VPS13D: variants seen among roughly 807,000 people sequenced by gnomAD.
The protein encoded by VPS13D is intermembrane lipid transfer protein VPS13D.
Under a neutral mutation model 461.9 loss-of-function variants are expected in VPS13D, and 187 were observed. The ratio of observed to expected loss-of-function variants is 0.40; its 90% CI spans 0.36 to 0.46. VPS13D has a LOEUF of 0.46. Ranked by LOEUF, VPS13D falls within the 20% of genes least tolerant of loss-of-function variation. The pLI is 0.60. For missense variants in VPS13D, 4,711 were observed against 5,364.9 expected, an observed-to-expected ratio of 0.88 and a Z score of 3.81; for synonymous variants, 1,951 against 1,986.3, an observed-to-expected ratio of 0.98 and a Z score of 0.47.
intron 15 of VPS13D, 64 bp from the exon 16 acceptor site, chr1:12,268,642 G>T (rs1641345184): frequency 2.6e-6 from 4 of 1,514,748 alleles, no homozygotes; most frequent in Admixed American, 4.4e-5. Flanking sequence ...ATCCCTCACA[G>T]GTCTGTTAAT....
chr1:12,234,096 C>T, intron 1 of VPS13D, 95 bp from the exon 2 acceptor site: 1 of 555,126 alleles, frequency 1.8e-6, no homozygotes, highest in Non-Finnish European at 3.3e-6. Flanking sequence ...AACATCTGTG[C>T]TTTGCATTCA....
chr1:12,487,051 C>A (rs977434055), intron 67 of VPS13D, among the ~76,000 whole-genome samples: 2 of 152,158 alleles, frequency 1.3e-5, no homozygotes, highest in Non-Finnish European at 2.9e-5. Flanking sequence ...TCCCCTGAGA[C>A]CCTCCCAAGA....
In VPS13D at chr1:12,368,488, T is replaced by G; in HGVS notation, c.10469T>G (p.Phe3490Cys). ...INMRDTLGKC[F>C]FLRVEITLRG... Reference sequence around the variant, plus strand: ...TGCAGGGATACCTTGGGAAAATGCTTCTTCCTACGAGTGGAAATTACTCTC... The same window carrying G: ...TGCAGGGATACCTTGGGAAAATGCTGCTTCCTACGAGTGGAAATTACTCTC... The change falls in exon 53 of 70, where the codon TTC (phenylalanine) becomes TGC (cysteine). Residue 3490 changes from phenylalanine to cysteine, a missense_variant. Coordinates refer to ENST00000620676, the MANE Select transcript of VPS13D (RefSeq NM_015378.4). The G allele has an allele frequency of 6.2e-7, 1 of 1,612,722 alleles. No individual in the cohort carries two copies. Among genetic ancestry groups the G allele is most frequent in the Non-Finnish European group, 8.5e-7 (1 of 1,179,284 alleles).
intron 12 of VPS13D, 105 bp downstream of exon 12, chr1:12,261,254 C>A: frequency 7.4e-7 from 1 of 1,356,580 alleles, no homozygotes; most frequent in Non-Finnish European, 1.0e-6. Flanking sequence ...ATTTGGAGAA[C>A]AGTTTATGTT....
chr1:12,329,534 A>G (rs930443866), intron 36 of VPS13D, among the ~76,000 whole-genome samples: 1 of 152,206 alleles, frequency 6.6e-6, no homozygotes, highest in African/African-American at 2.4e-5. Context: ...TTATGTTCCC[A>G]CAGGCTTCAG....
chr1:12,326,353 A>G (rs953501057), intron 35 of VPS13D, among the ~76,000 whole-genome samples: 5 of 105,688 alleles, frequency 4.7e-5, no homozygotes, highest in African/African-American at 1.2e-4. Flanking sequence ...AATTTTAGAT[A>G]CTGGGTTTTG....
intron 23 of VPS13D, among the ~76,000 whole-genome samples, chr1:12,291,979 C>T (rs1293063918): frequency 6.6e-6 from 1 of 152,154 alleles, no homozygotes; most frequent in Non-Finnish European, 1.5e-5. Context: ...TTTCTCAGGG[C>T]TGGGCGTGGT....
intron 63 of VPS13D, among the ~76,000 whole-genome samples, chr1:12,411,741 T>C (rs1367179124): frequency 6.6e-6 from 1 of 152,226 alleles, no homozygotes; most frequent in Non-Finnish European, 1.5e-5. Flanking sequence ...TTCATATGGC[T>C]GCACTCACCT....
intron 67 of VPS13D, chr1:12,465,091 ATACT>A (rs1645464516): frequency 6.6e-6 from 1 of 152,264 alleles, no homozygotes; most frequent in African/African-American, 2.4e-5. Flanking sequence ...GTTTGAAAAG[ATACT>A]TAGTAGAAAG....
At chr1:12,482,909 A>G (rs561175420) in intron 67 of VPS13D, among the ~76,000 whole-genome samples, 7 of 152,160 alleles carry the variant, frequency 4.6e-5, no homozygotes, top group African/African-American at 1.7e-4. Flanking sequence ...AATCATTTTT[A>G]ACATTTACAT....
chr1:12,301,901 G>T (rs1187213183), intron 25 of VPS13D, among the ~76,000 whole-genome samples: 2 of 152,186 alleles, frequency 1.3e-5, no homozygotes, highest in Non-Finnish European at 2.9e-5. Flanking sequence ...ACCAAATACA[G>T]TTATGGTCCC....
Position 12,369,523 on chromosome 1 carries a change from G to A in VPS13D, c.10629G>A (p.Val3543=). 3 of 1,614,152 alleles carry A rather than the reference G, an allele frequency of 1.9e-6. No individual in the cohort carries two copies. Among genetic ancestry groups the A allele is most frequent in the Non-Finnish European group, 2.5e-6 (3 of 1,180,032 alleles). Residue 3543 remains valine, a synonymous_variant, in exon 54 of 70, where the codon GTG becomes GTA. Transcript: ENST00000620676. The stretch of plus-strand genomic sequence containing the variant: ...CTGAACCCAGGCTCCGGACTGAAGT[G>A]AAGCCCATGACTTCATTGGATTATG... ...GVAEPRLRTE[V]KPMTSLDYAW...
chr1:12,262,995 C>T (rs1345684841), intron 13 of VPS13D, among the ~76,000 whole-genome samples: 2 of 152,092 alleles, frequency 1.3e-5, no homozygotes, highest in Non-Finnish European at 2.9e-5. Flanking sequence ...TGAGCCATTG[C>T]GCTCAGCTGA....
At chr1:12,297,672 A>T (rs1361576946) in intron 24 of VPS13D, among the ~76,000 whole-genome samples, 1 of 152,196 alleles carries the variant, frequency 6.6e-6, no homozygotes. Flanking sequence ...TTTGATCCTT[A>T]TAACAACCCT....
Position 12,266,951 on chromosome 1 carries a change from GTT to G in VPS13D, c.1667_1668del (p.Phe556SerfsTer18). 1 of 1,611,004 alleles carries G rather than the reference GTT, an allele frequency of 6.2e-7. No individual in the cohort carries two copies. The highest frequency in any genetic ancestry group is 8.5e-7 in the Non-Finnish European group (1 of 1,179,106). ...TGCTTTCAGTCCGGTTGGGTGGACTGTTTCTTCGAGACCTGGCTACAGAAGGA... is the reference window on the plus strand; with the variant it reads ...TGCTTTCAGTCCGGTTGGGTGGACTGTCTTCGAGACCTGGCTACAGAAGGA... ...SLLSVRLGGL[F>X]LRDLATEGTM... On this transcript the variant is annotated frameshift_variant, in exon 14 of 70. Coordinates refer to ENST00000620676, the MANE Select transcript of VPS13D (RefSeq NM_015378.4). LOFTEE classifies it high-confidence loss of function.
chr1:12,421,008 G>A (rs867912527), intron 65 of VPS13D, among the ~76,000 whole-genome samples: 30 of 152,142 alleles, frequency 2.0e-4, no homozygotes, highest in African/African-American at 3.6e-4. Flanking sequence ...CCCCCAGAGC[G>A]TTCCTGCAAA....
chr1:12,354,783 T>A (rs1643871968), intron 47 of VPS13D, among the ~76,000 whole-genome samples: 1 of 152,244 alleles, frequency 6.6e-6, no homozygotes, highest in Non-Finnish European at 1.5e-5. Context: ...TTCACACTTG[T>A]AATCTCATGT....
chr1:12,373,891 A>T, intron 55 of VPS13D, 33 bp downstream of exon 55: 1 of 1,554,912 alleles, frequency 6.4e-7, no homozygotes, highest in Non-Finnish European at 8.8e-7. Context: ...TTTAGAATAC[A>T]AGGTTTTTAG....
At chr1:12,234,088 C>T (rs939712507) in intron 1 of VPS13D, 103 bp from the exon 2 acceptor site, 3 of 529,052 alleles carry the variant, frequency 5.7e-6, no homozygotes, top group Non-Finnish European at 1.0e-5. Context: ...CCCAACAAAA[C>T]ATCTGTGCTT....
Sources: allele counts gnomAD v4.1 joint callset (sites outside exome capture counted in the v4.1 genomes callset), GRCh38; gene constraint gnomAD v4.1.1; transcripts MANE v1.5; gene names NCBI Gene and HGNC (gene_info 2026-07-23, HGNC 2026-07-21).